Variants in R3HDM2 observed in about 807,000 individuals in gnomAD.
R3HDM2 encodes R3H domain-containing protein 2.
Under a neutral mutation model 124.5 loss-of-function variants are expected in R3HDM2, and 38 were observed. That is an observed-to-expected ratio of 0.31 (90% CI 0.24 to 0.40). The LOEUF (loss-of-function observed/expected upper bound fraction) is 0.40, where lower values mean the gene tolerates loss of function less well. Ranked by LOEUF, R3HDM2 falls within the 10% of genes least tolerant of loss-of-function variation. The pLI is 1.00. For synonymous variants in R3HDM2, 391 were observed against 448.0 expected, an observed-to-expected ratio of 0.87 and a Z score of 1.61; for missense variants, 869 against 1,236.9, an observed-to-expected ratio of 0.70 and a Z score of 4.46.
rs545662002 is a variant in R3HDM2, at chr12:57,258,946, T to G, written c.2245A>C (p.Met749Leu). Residue 749 changes from methionine (M) to leucine (L), a missense_variant, in exon 20 of 24, where the codon ATG becomes CTG. By Grantham distance (15) the Met-to-Leu change is conservative. Around this residue, in one of 2 missense-constraint regions of R3HDM2, gnomAD observed 602 missense variants for 789.2 expected, o/e 0.76. Transcript: ENST00000402412. ...VQWSHCKYYS[M>L]DQRGQKPGDL... ...CCAGGCTTCTGCCCCCGCTGGTCCATGCTGTAGTATTTACAATGACTCCAC... is the reference window on the plus strand; with the variant it reads ...CCAGGCTTCTGCCCCCGCTGGTCCAGGCTGTAGTATTTACAATGACTCCAC... 6.2e-7 allele frequency: 1 copy of G among 1,612,590 alleles called. No homozygotes were observed. The highest frequency in any genetic ancestry group is 2.2e-5 in the East Asian group (1 of 44,860).
At chr12:57,309,897 C>T (rs571136590) in intron 3 of R3HDM2, among the ~76,000 whole-genome samples, 21 of 152,274 alleles carry the variant, frequency 1.4e-4, no homozygotes, top group African/African-American at 4.8e-4. Flanking sequence ...GATTCTTACA[C>T]ATCTCCACTT....
chr12:57,339,594 A>C (rs1282559518), intron 2 of R3HDM2, among the ~76,000 whole-genome samples: 1 of 151,832 alleles, frequency 6.6e-6, no homozygotes, highest in Non-Finnish European at 1.5e-5. Flanking sequence ...GCTACTTGGG[A>C]GGCTGAGGCA....
rs754924568 is a variant in R3HDM2, at chr12:57,280,474, G to C, written c.1228C>G (p.Arg410Gly). Residue 410 changes from arginine (R) to glycine (G), a missense_variant, in exon 14 of 24, where the codon CGG becomes GGG. Arg to Gly is a moderately radical substitution (Grantham distance 125). Around this residue, in one of 2 missense-constraint regions of R3HDM2, gnomAD observed 602 missense variants for 789.2 expected, o/e 0.76. Transcript: ENST00000402412. ...TGGGCAGTACAAGGGAGAAGCCCCCGGACAGACTGGGATGAGGTGACCTGG... is the reference window on the plus strand; with the variant it reads ...TGGGCAGTACAAGGGAGAAGCCCCCCGACAGACTGGGATGAGGTGACCTGG... Reference protein sequence around the residue: ...CNQVTSSQSVRGLLPCTAQQQ... With the variant: ...CNQVTSSQSVGGLLPCTAQQQ... 1 of 1,613,988 alleles carries C rather than the reference G, an allele frequency of 6.2e-7. No homozygotes were observed. Among genetic ancestry groups the C allele is most frequent in the Admixed American group, 1.7e-5 (1 of 60,024 alleles).
At chr12:57,378,098 C>A (rs994281048) in intron 2 of R3HDM2, among the ~76,000 whole-genome samples, 1 of 151,972 alleles carries the variant, frequency 6.6e-6, no homozygotes, top group African/African-American at 2.4e-5. Flanking sequence ...GACACTGTCT[C>A]AACAAAAAAC....
intron 2 of R3HDM2, among the ~76,000 whole-genome samples, chr12:57,339,709 A>G (rs78055012): frequency 3.1e-4 from 47 of 151,746 alleles, no homozygotes; most frequent in African/African-American, 8.9e-4. Context: ...AAAAAAAAAA[A>G]AGAGAGAGAG....
At chr12:57,298,437 T>C (rs2050364185) in intron 6 of R3HDM2, among the ~76,000 whole-genome samples, 1 of 152,208 alleles carries the variant, frequency 6.6e-6, no homozygotes, top group Non-Finnish European at 1.5e-5. Context: ...ATTTACTGAA[T>C]GTCCTGATCA....
intron 11 of R3HDM2, among the ~76,000 whole-genome samples, chr12:57,291,207 C>G (rs554334031): frequency 2.2e-4 from 33 of 149,802 alleles, no homozygotes; most frequent in African/African-American, 7.7e-4. Flanking sequence ...CAAGTACATA[C>G]AGTTGTTCAG....
intron 2 of R3HDM2, among the ~76,000 whole-genome samples, chr12:57,317,987 C>CAAAAA (rs750938224): frequency 4.6e-5 from 3 of 64,878 alleles, no homozygotes; most frequent in African/African-American, 1.1e-4. Context: ...CCCCGCCCCC[C>CAAAAA]CAAAAAAAAA....
At chr12:57,297,793 C>T (rs2050206105) in intron 7 of R3HDM2, 1 of 378,916 alleles carries the variant, frequency 2.6e-6, no homozygotes. Context: ...TTTAGCTCTT[C>T]TTACTATCAC....
intron 18 of R3HDM2, among the ~76,000 whole-genome samples, chr12:57,267,842 G>C (rs1043279649): frequency 4.6e-5 from 7 of 152,180 alleles, no homozygotes; most frequent in African/African-American, 1.4e-4. Flanking sequence ...GAGTGGACTA[G>C]ATGATTTCTA....
At chr12:57,255,209 G>T in intron 23 of R3HDM2, 96 bp from the exon 24 acceptor site, 1 of 1,009,400 alleles carries the variant, frequency 9.9e-7, no homozygotes, top group Non-Finnish European at 1.5e-6. Context: ...GACTAAGTCT[G>T]TATACAATGT....
At chr12:57,268,144 G>C (rs1009239055) in intron 18 of R3HDM2, 159 bp downstream of exon 18, 3 of 681,118 alleles carry the variant, frequency 4.4e-6, no homozygotes, top group African/African-American at 3.6e-5. Flanking sequence ...AAATCAATAA[G>C]TGAAAAGGAG....
chr12:57,380,407 G>T (rs1160141126), intron 2 of R3HDM2, among the ~76,000 whole-genome samples: 2 of 152,138 alleles, frequency 1.3e-5, no homozygotes, highest in African/African-American at 4.8e-5. Context: ...ACCCTTGCAG[G>T]TAGACAGAAT....
At chr12:57,333,704 T>C in intron 2 of R3HDM2, among the ~76,000 whole-genome samples, 1 of 148,374 alleles carries the variant, frequency 6.7e-6, no homozygotes, top group East Asian at 2.0e-4. Context: ...AATAAATAAA[T>C]ACATAAATAA....
intron 2 of R3HDM2, among the ~76,000 whole-genome samples, chr12:57,381,397 C>T (rs995783126): frequency 4.0e-5 from 6 of 151,824 alleles, no homozygotes; most frequent in Admixed American, 2.0e-4. Flanking sequence ...ACAAAAAATA[C>T]AGAAATTAGC....
chr12:57,362,761 TC>T (rs892473413), intron 2 of R3HDM2, among the ~76,000 whole-genome samples: 4 of 152,214 alleles, frequency 2.6e-5, no homozygotes. Flanking sequence ...AAATTTTTTT[TC>T]CAAATAAAAT....
intron 1 of R3HDM2, among the ~76,000 whole-genome samples, chr12:57,411,950 G>A (rs1438237456): frequency 6.6e-6 from 1 of 152,178 alleles, no homozygotes; most frequent in African/African-American, 2.4e-5. Flanking sequence ...AGAGCTGATG[G>A]TTTTGTAAGG....
At position 57,261,862 on chromosome 12, in the gene R3HDM2, G is replaced by T. The variant is rs115837352; in HGVS notation, c.2132-2803C>A. ...GCAGCCAGTGGGAAGTGGGAGGGGG[G>T]GTTGAATAAGGAAATCAATTTCAGC... On this transcript the variant is annotated intron_variant, in intron 19 of 23. Transcript: ENST00000402412. Among the ~76,000 whole-genome samples, 300 of 152,096 alleles carry T rather than the reference G, an allele frequency of 2.0e-3. 2 individuals carry two copies. Among genetic ancestry groups the T allele is most frequent in the African/African-American group, 6.8e-3 (282 of 41,462 alleles).
At chr12:57,282,721 G>C (rs142235261) in intron 13 of R3HDM2, among the ~76,000 whole-genome samples, 1 of 152,092 alleles carries the variant, frequency 6.6e-6, no homozygotes, top group Non-Finnish European at 1.5e-5. Context: ...CAGTTTGGGC[G>C]CCAGTGTCAT....
Sources: allele counts gnomAD v4.1 joint callset (sites outside exome capture counted in the v4.1 genomes callset), GRCh38; gene constraint gnomAD v4.1.1; regional missense constraint gnomAD v4.1.1; transcripts MANE v1.5; gene names NCBI Gene and HGNC (gene_info 2026-07-23, HGNC 2026-07-21).